The following SLCO5A1 variants were observed in gnomAD, a reference collection of about 807,000 sequenced individuals.
SLCO5A1 encodes solute carrier organic anion transporter family member 5A1, also known as organic anion transporter polypeptide-related protein 4.
A neutral mutation model predicts 65.1 loss-of-function variants in SLCO5A1; 39 were observed. The observed-to-expected ratio is 0.60, with a 90% CI of 0.46 to 0.78. The LOEUF (loss-of-function observed/expected upper bound fraction) is 0.78. Among genes scored for constraint, SLCO5A1 ranks in the 30% least tolerant of loss-of-function variants. SLCO5A1 has a pLI of 0.00. For synonymous variants in SLCO5A1, 438 were observed against 415.7 expected, an observed-to-expected ratio of 1.05 and a Z score of -0.65; for missense variants, 1,029 against 1,069.4, an observed-to-expected ratio of 0.96 and a Z score of 0.53.
intron 6 of SLCO5A1, among the ~76,000 whole-genome samples, chr8:69,701,244 A>G (rs1814723412): frequency 6.6e-6 from 1 of 152,298 alleles, no homozygotes; most frequent in South Asian, 2.1e-4. Flanking sequence ...TTCCAGGAAA[A>G]TCAGTGTTAC....
chr8:69,745,517 T>C (rs1203545773), intron 4 of SLCO5A1, among the ~76,000 whole-genome samples: 1 of 152,218 alleles, frequency 6.6e-6, no homozygotes, highest in Non-Finnish European at 1.5e-5. Flanking sequence ...GACTAAATTT[T>C]ATTACCCCAA....
At chr8:69,688,805 C>G (rs1814113106) in intron 6 of SLCO5A1, among the ~76,000 whole-genome samples, 1 of 152,120 alleles carries the variant, frequency 6.6e-6, no homozygotes, top group African/African-American at 2.4e-5. Flanking sequence ...CATACGTGTG[C>G]ATGTGTCTTT....
rs183769558 is a variant in SLCO5A1, at chr8:69,799,215, A to C, written c.907+32552T>G. ...TATTACGTTATTGGAGGTATTTAAG[A>C]AGCTTACTTTAGAGAAAAAGAATTC... is the stretch of plus-strand genomic sequence containing the variant. On this transcript the variant is annotated intron_variant, in intron 2 of 9. Transcript: ENST00000260126. Among the ~76,000 whole-genome samples, 57 of 152,310 alleles carry C rather than the reference A, an allele frequency of 3.7e-4. 1 individual carries two copies. Among genetic ancestry groups the C allele is most frequent in the Non-Finnish European group, 4.4e-5 (3 of 68,038 alleles).
At chr8:69,806,585 C>G (rs763369695) in intron 2 of SLCO5A1, among the ~76,000 whole-genome samples, 2 of 152,140 alleles carry the variant, frequency 1.3e-5, no homozygotes, top group Non-Finnish European at 2.9e-5. Flanking sequence ...GGCTCAAGAC[C>G]GCAGAGGAAC....
rs951031130 is a variant in SLCO5A1 at position 69,713,811 on chromosome 8, G to A, written c.1424-8582C>T. ...TAAAGAGTTCTAGAGCAAGGAAACT[G>A]ACTCAAGGTTATTTCACTTTTCTAA... On this transcript the variant is annotated intron_variant, in intron 5 of 9. Transcript: ENST00000260126. 14 of 152,176 alleles carry A rather than the reference G, an allele frequency of 9.2e-5. 1 individual carries two copies. Among genetic ancestry groups the A allele is most frequent in the Admixed American group, 6.5e-5 (1 of 15,284 alleles). The allele number at this position is 152,176 out of a possible 1,614,324, so 9.4% of individuals were successfully genotyped here.
chr8:69,728,225 C>A (rs35968315), intron 5 of SLCO5A1, among the ~76,000 whole-genome samples: 1 of 151,602 alleles, frequency 6.6e-6, no homozygotes, highest in African/African-American at 2.4e-5. Context: ...ATATTGCATA[C>A]GTAATACATG....
Position 69,831,835 on chromosome 8 carries a change from G to T in SLCO5A1, c.839C>A (p.Pro280His), listed in dbSNP as rs1230806508. 2 of 1,613,940 alleles carry T rather than the reference G, an allele frequency of 1.2e-6. No individual in the cohort carries two copies. Among genetic ancestry groups the T allele is most frequent in the East Asian group, 4.5e-5 (2 of 44,890 alleles). Residue 280 changes from proline to histidine, a missense_variant, in exon 2 of 10, where the codon CCT (proline) becomes CAT (histidine). Physicochemically the swap from Pro to His is moderately conservative, Grantham distance 77. This residue lies in a region of SLCO5A1 where 647 missense variants were observed against 647.5 expected (regional missense o/e 1.00). Coordinates refer to ENST00000260126, the MANE Select transcript of SLCO5A1 (RefSeq NM_030958.3). The part of the protein sequence containing the change: ...AQILIGMGST[P>H]IYTLGPTYLD... ...GTAGGTTGGTCCCAGGGTATAAATA[G>T]GTGTGGAGCCCATTCCAATGAGAAT...
Position 69,748,970 on chromosome 8 carries a change from T to C in SLCO5A1, c.1258+6454A>G, listed in dbSNP as rs578082396. On this transcript the variant is annotated intron_variant, in intron 4 of 9. Transcript: ENST00000260126. ...CTGAGCAACCATCCTATGGCAAGTA[T>C]GGGGAATTCAAGCAGCAGCTTTCAA... Among the ~76,000 whole-genome samples the C allele has an allele frequency of 4.6e-5, 7 of 152,222 alleles. No individual in the cohort carries two copies. In the South Asian group the frequency reaches 1.5e-3, roughly 32 times the overall value.
chr8:69,824,708 A>G (rs7844108), intron 2 of SLCO5A1, among the ~76,000 whole-genome samples: 78,537 of 151,886 alleles, frequency 0.52, 20,446 homozygotes, highest in African/African-American at 0.58. Context: ...ACAAGGAGGA[A>G]CTGGTACCAT....
At chr8:69,767,970 T>C (rs115110885) in intron 2 of SLCO5A1, among the ~76,000 whole-genome samples, 5,446 of 150,578 alleles carry the variant, frequency 0.036, 207 homozygotes, top group African/African-American at 0.092. Flanking sequence ...GTAATCCCCA[T>C]GCCTGTAATC....
At chr8:69,771,779 G>T (rs1207330553) in intron 2 of SLCO5A1, among the ~76,000 whole-genome samples, 2 of 152,194 alleles carry the variant, frequency 1.3e-5, no homozygotes, top group Admixed American at 1.3e-4. Context: ...TTCTCTCCAG[G>T]ACTCAAGCTC....
intron 8 of SLCO5A1, among the ~76,000 whole-genome samples, chr8:69,679,006 A>G (rs914932212): frequency 5.3e-5 from 8 of 152,136 alleles, no homozygotes; most frequent in East Asian, 3.9e-4. Flanking sequence ...AACTTTCTCA[A>G]ATTACTTCCT....
intron 2 of SLCO5A1, among the ~76,000 whole-genome samples, chr8:69,794,994 C>T (rs1451865668): frequency 6.6e-6 from 1 of 152,178 alleles, no homozygotes; most frequent in Non-Finnish European, 1.5e-5. Context: ...CAATCACTAT[C>T]ATGAGAACAG....
At chr8:69,753,714 G>A (rs1368400678) in intron 4 of SLCO5A1, among the ~76,000 whole-genome samples, 1 of 151,824 alleles carries the variant, frequency 6.6e-6, no homozygotes, top group Non-Finnish European at 1.5e-5. Flanking sequence ...CTCCATAAAT[G>A]AAGACTCAAA....
intron 5 of SLCO5A1, among the ~76,000 whole-genome samples, chr8:69,732,663 G>T (rs1321775023): frequency 6.6e-6 from 1 of 152,036 alleles, no homozygotes; most frequent in East Asian, 1.9e-4. Flanking sequence ...GGGAGAGGCG[G>T]GCAGATCACA....
At chr8:69,758,475 C>T (rs541087406) in intron 3 of SLCO5A1, among the ~76,000 whole-genome samples, 11 of 152,192 alleles carry the variant, frequency 7.2e-5, no homozygotes, top group Admixed American at 2.0e-4. Flanking sequence ...CCACCGCACC[C>T]GGCATGCTTT....
At position 69,832,897 on chromosome 8, in the gene SLCO5A1, G is replaced by T. The variant is rs1197290280; in HGVS notation, c.-224C>A. ...GGCTCCGCAGCCGCGTGCCACAGGGGGCAGGGGTCCGCGCGGTACTGCGAT... is the reference window on the plus strand; with the variant it reads ...GGCTCCGCAGCCGCGTGCCACAGGGTGCAGGGGTCCGCGCGGTACTGCGAT... On this transcript the variant is annotated 5_prime_UTR_variant, in exon 2 of 10. Transcript: ENST00000260126. This position sits in a 1 kb window ranked among gnomAD's most constrained non-coding sequence, Gnocchi z 4.5. The T allele has an allele frequency of 3.4e-6, 2 of 593,298 alleles. No individual in the cohort carries two copies. Among genetic ancestry groups the T allele is most frequent in the African/African-American group, 3.8e-5 (2 of 52,922 alleles). The allele number at this position is 593,298 out of a possible 1,614,324, so 36.8% of individuals were successfully genotyped here. A position where few individuals can be genotyped will look rare whatever the true frequency, so the allele number is the denominator to read the frequency against.
intron 2 of SLCO5A1, among the ~76,000 whole-genome samples, chr8:69,777,790 A>G (rs753221020): frequency 1.3e-4 from 20 of 152,294 alleles, no homozygotes; most frequent in Non-Finnish European, 2.6e-4. Flanking sequence ...TGCTCCTGAC[A>G]TCCAGCCGTC....
chr8:69,784,863 G>GAAAGAAAGAAAGAAAGAAAGAAAGAAAA (rs71275014), intron 2 of SLCO5A1, among the ~76,000 whole-genome samples: 1 of 87,840 alleles, frequency 1.1e-5, no homozygotes, highest in African/African-American at 4.8e-5. Context: ...AAGAAAGAAA[G>GAAAGAAAGAAAGAAAGAAAGAAAGAAAA]GGAAGGAAGG....
Sources: allele counts gnomAD v4.1 joint callset (sites outside exome capture counted in the v4.1 genomes callset), GRCh38; gene constraint gnomAD v4.1.1; regional missense constraint gnomAD v4.1.1; non-coding constraint Gnocchi (gnomAD v3.1); transcripts MANE v1.5; gene names NCBI Gene and HGNC (gene_info 2026-07-23, HGNC 2026-07-21).